Variants in SAMD4A observed in about 807,000 individuals in gnomAD.
The protein encoded by SAMD4A is sterile alpha motif domain containing 4A.
A neutral mutation model predicts 81.3 loss-of-function variants in SAMD4A; 33 were observed. The observed-to-expected ratio is 0.41, with a 90% CI of 0.31 to 0.54. The LOEUF (loss-of-function observed/expected upper bound fraction) is 0.54. SAMD4A is among the 20% of genes least tolerant of loss of function. SAMD4A has a pLI of 0.37. For missense variants in SAMD4A, 854 were observed against 951.1 expected, an observed-to-expected ratio of 0.90 and a Z score of 1.34; for synonymous variants, 389 against 382.1, an observed-to-expected ratio of 1.02 and a Z score of -0.21.
At chr14:54,616,162 A>G (rs2034486056) in intron 2 of SAMD4A, among the ~76,000 whole-genome samples, 1 of 152,244 alleles carries the variant, frequency 6.6e-6, no homozygotes, top group South Asian at 2.1e-4. Flanking sequence ...CCCATAGGAA[A>G]GATTATAAAT....
intron 6 of SAMD4A, among the ~76,000 whole-genome samples, chr14:54,757,392 TG>T (rs2038270274): frequency 7.3e-6 from 1 of 136,888 alleles, no homozygotes; most frequent in Non-Finnish European, 1.5e-5. Flanking sequence ...TTTGTGTGTG[TG>T]TGTGTGTGTG....
At chr14:54,776,920 C>G (rs1349803016) in intron 11 of SAMD4A, among the ~76,000 whole-genome samples, 2 of 151,888 alleles carry the variant, frequency 1.3e-5, no homozygotes, top group South Asian at 2.1e-4. Context: ...AAAGAGAAAA[C>G]TGTTGATGCT....
intron 2 of SAMD4A, among the ~76,000 whole-genome samples, chr14:54,626,784 G>GA (rs1307040750): frequency 6.6e-6 from 1 of 152,160 alleles, no homozygotes; most frequent in African/African-American, 2.4e-5. Context: ...TACATTCACT[G>GA]AAAAGTTCTT....
At chr14:54,647,871 T>C (rs1000100957) in intron 2 of SAMD4A, among the ~76,000 whole-genome samples, 4 of 152,252 alleles carry the variant, frequency 2.6e-5, no homozygotes, top group Admixed American at 6.5e-5. Context: ...TAGAACTTCC[T>C]GAGCCCTACA....
rs376378842 is a variant in SAMD4A, at chr14:54,765,491, C to T, written c.1596+951C>T. Among the ~76,000 whole-genome samples the T allele has an allele frequency of 6.3e-3, 925 of 147,154 alleles. 7 individuals carry two copies. Among genetic ancestry groups the T allele is most frequent in the African/African-American group, 0.022 (873 of 39,406 alleles). Reference sequence around the variant, plus strand: ...AAAAAAAAAAAGCCAGGTGTGGTGGCGCACACCTGTAATCCCAGCTACTCG... The same window carrying T: ...AAAAAAAAAAAGCCAGGTGTGGTGGTGCACACCTGTAATCCCAGCTACTCG... On this transcript the variant is annotated intron_variant, in intron 8 of 12. Coordinates refer to ENST00000554335, the MANE Select transcript of SAMD4A (RefSeq NM_015589.6).
chr14:54,619,970 CT>C (rs886384671), intron 2 of SAMD4A, among the ~76,000 whole-genome samples: 3 of 149,608 alleles, frequency 2.0e-5, no homozygotes, highest in Admixed American at 6.6e-5. Context: ...CTTTTTTTTT[CT>C]TTTTTTTAAT....
chr14:54,673,522 C>T (rs2035929635), intron 2 of SAMD4A, among the ~76,000 whole-genome samples: 1 of 152,240 alleles, frequency 6.6e-6, no homozygotes, highest in African/African-American at 2.4e-5. Flanking sequence ...GCTTTTAGCA[C>T]TGGAAATTTG....
chr14:54,644,658 T>A (rs1223358583), intron 2 of SAMD4A, among the ~76,000 whole-genome samples: 3 of 152,252 alleles, frequency 2.0e-5, no homozygotes, highest in Non-Finnish European at 4.4e-5. Context: ...GGGAAGGGTT[T>A]AATTCTAGTG....
intron 2 of SAMD4A, among the ~76,000 whole-genome samples, chr14:54,688,887 T>G (rs1270263840): frequency 7.8e-6 from 1 of 128,702 alleles, no homozygotes; most frequent in Non-Finnish European, 1.8e-5. Context: ...AAACACAGTT[T>G]TTGATTCAGT....
chr14:54,774,980 G>A lies in SAMD4A; in HGVS notation c.1762G>A (p.Gly588Ser), dbSNP rs774670536. Residue 588 changes from glycine (G) to serine (S), a missense_variant, in exon 10 of 13, where the codon GGC becomes AGC. Coordinates refer to ENST00000554335, the MANE Select transcript of SAMD4A (RefSeq NM_015589.6). ...SNSLPTAGSV[G>S]GGMGRRNPRQ... is the part of the protein sequence containing the mutation. ...CTCCCTCCCGACGGCTGGCTCTGTG[G>A]GCGGTGGCATGGGCAGACGGAACCC... is the stretch of plus-strand genomic sequence containing the variant. The A allele has an allele frequency of 3.5e-5, 56 of 1,614,070 alleles. No individual in the cohort carries two copies. The highest frequency in any genetic ancestry group is 4.5e-5 in the Non-Finnish European group (53 of 1,180,030).
intron 9 of SAMD4A, among the ~76,000 whole-genome samples, chr14:54,771,500 C>G (rs140792597): frequency 6.6e-6 from 1 of 152,308 alleles, no homozygotes; most frequent in East Asian, 1.9e-4. Flanking sequence ...CAAAGCGACA[C>G]TCTTCAGGAC....
At chr14:54,751,049 C>T (rs2038089955) in intron 5 of SAMD4A, among the ~76,000 whole-genome samples, 1 of 152,080 alleles carries the variant, frequency 6.6e-6, no homozygotes, top group South Asian at 2.1e-4. Flanking sequence ...ATTGCTTGAG[C>T]CCAGGAGTTT....
rs764887980 is a variant in SAMD4A at position 54,770,197 on chromosome 14, A to T, written c.1690A>T (p.Ile564Leu). ...RSFPRKTLLD[I>L]SGYRQQRNRG... ...TTTCCCTCGGAAAACCCTTCTAGACATATCAGGATATCGACAGCAAAGAAA... is the reference window on the plus strand; with the variant it reads ...TTTCCCTCGGAAAACCCTTCTAGACTTATCAGGATATCGACAGCAAAGAAA... Residue 564 changes from isoleucine to leucine, a missense_variant, in exon 9 of 13, where the codon ATA becomes TTA. Around this residue, in one of 3 missense-constraint regions of SAMD4A, gnomAD observed 428 missense variants for 471.2 expected, o/e 0.91. Coordinates refer to ENST00000554335, the MANE Select transcript of SAMD4A (RefSeq NM_015589.6). 1 of 1,611,612 alleles carries T rather than the reference A, an allele frequency of 6.2e-7. No individual in the cohort carries two copies. Among genetic ancestry groups the T allele is most frequent in the Non-Finnish European group, 8.5e-7 (1 of 1,177,812 alleles).
At chr14:54,711,785 G>T (rs1213700933) in intron 3 of SAMD4A, among the ~76,000 whole-genome samples, 1 of 151,970 alleles carries the variant, frequency 6.6e-6, no homozygotes, top group Non-Finnish European at 1.5e-5. Flanking sequence ...AACAACTTCT[G>T]CAAGCAAAGT....
At chr14:54,710,217 T>A (rs1170824208) in intron 3 of SAMD4A, among the ~76,000 whole-genome samples, 1 of 152,162 alleles carries the variant, frequency 6.6e-6, no homozygotes, top group Non-Finnish European at 1.5e-5. Context: ...ATCTTAGTAT[T>A]TATTTTATTA....
At chr14:54,680,517 AAATT>A (rs2036102113) in intron 2 of SAMD4A, among the ~76,000 whole-genome samples, 1 of 152,250 alleles carries the variant, frequency 6.6e-6, no homozygotes, top group African/African-American at 2.4e-5. Flanking sequence ...TTTTAAGAGA[AAATT>A]AATGAAATTG....
chr14:54,775,132 A>C lies in SAMD4A; in HGVS notation c.1914A>C (p.Arg638Ser). The change falls in exon 10 of 13, where the codon AGA becomes AGC. Residue 638 changes from arginine to serine, a missense_variant. Physicochemically the swap from Arg to Ser is moderately radical, Grantham distance 110 (BLOSUM62 -1). This residue lies in a region of SAMD4A where 428 missense variants were observed against 471.2 expected (regional missense o/e 0.91). Transcript: ENST00000554335. ...TATPTIMKQGRQNLWFANPGG... is the reference protein window; with the variant it reads ...TATPTIMKQGSQNLWFANPGG... ...CCCCCACCATCATGAAACAAGGAAG[A>C]CAGGTTTGTTCTGCCCCAAGGAAGG... is the stretch of plus-strand genomic sequence containing the variant. The C allele has an allele frequency of 1.2e-6, 2 of 1,614,186 alleles. No individual in the cohort carries two copies. The highest frequency in any genetic ancestry group is 1.7e-6 in the Non-Finnish European group (2 of 1,180,038).
chr14:54,638,787 A>G (rs530297141), intron 2 of SAMD4A, among the ~76,000 whole-genome samples: 133 of 152,366 alleles, frequency 8.7e-4, no homozygotes, highest in African/African-American at 3.1e-3. Context: ...TATTTACAAT[A>G]ATTTCTGGCC....
intron 2 of SAMD4A, chr14:54,689,556 G>A (rs1236976157): frequency 6.6e-6 from 1 of 152,276 alleles, no homozygotes; most frequent in East Asian, 1.9e-4. Flanking sequence ...TTCAATGGAA[G>A]CTCAGACAAC....
Sources: allele counts gnomAD v4.1 joint callset (sites outside exome capture counted in the v4.1 genomes callset), GRCh38; gene constraint gnomAD v4.1.1; regional missense constraint gnomAD v4.1.1; transcripts MANE v1.5; gene names NCBI Gene and HGNC (gene_info 2026-07-23, HGNC 2026-07-21).